COL11A1: variants seen among roughly 807,000 people sequenced by gnomAD.
COL11A1 encodes collagen type XI alpha 1 chain.
Under a neutral mutation model 265.2 loss-of-function variants are expected in COL11A1, and 74 were observed. The ratio of observed to expected loss-of-function variants is 0.28; its 90% CI spans 0.23 to 0.34. The LOEUF (loss-of-function observed/expected upper bound fraction) is 0.34. Among genes scored for constraint, COL11A1 ranks in the 10% least tolerant of loss-of-function variants. The pLI is 1.00. For synonymous variants in COL11A1, 816 were observed against 727.6 expected, an observed-to-expected ratio of 1.12 and a Z score of -1.96; for missense variants, 2,165 against 2,263.6, an observed-to-expected ratio of 0.96 and a Z score of 0.88.
At chr1:102,961,357 G>A (rs1400368516) in intron 41 of COL11A1, among the ~76,000 whole-genome samples, 3 of 152,040 alleles carry the variant, frequency 2.0e-5, no homozygotes, top group East Asian at 3.9e-4. Context: ...ATAAGATTGT[G>A]CTTATGGGTT....
intron 4 of COL11A1, among the ~76,000 whole-genome samples, chr1:103,034,678 A>C (rs2102013869): frequency 6.6e-6 from 1 of 152,058 alleles, no homozygotes; most frequent in South Asian, 2.1e-4. Context: ...GGGGAAGTCC[A>C]ATGTCTGTGC....
At chr1:102,954,005 G>A (rs560185892) in intron 41 of COL11A1, among the ~76,000 whole-genome samples, 1 of 152,246 alleles carries the variant, frequency 6.6e-6, no homozygotes, top group East Asian at 1.9e-4. Flanking sequence ...TTAATTTCAT[G>A]AATTACAATG....
intron 28 of COL11A1, among the ~76,000 whole-genome samples, chr1:102,995,465 T>C (rs978173622): frequency 1.3e-5 from 2 of 152,132 alleles, no homozygotes; most frequent in Admixed American, 6.6e-5. Context: ...TGTGCTGAAT[T>C]TGTTTAAACA....
chr1:103,046,138 A>G (rs964971108), intron 4 of COL11A1, among the ~76,000 whole-genome samples: 2 of 151,330 alleles, frequency 1.3e-5, no homozygotes, highest in Non-Finnish European at 2.9e-5. Flanking sequence ...ACACCCACTA[A>G]TGGGATGACT....
intron 64 of COL11A1, 119 bp from the exon 65 acceptor site, chr1:102,881,884 G>A (rs549060970): frequency 1.2e-5 from 9 of 759,374 alleles, no homozygotes; most frequent in African/African-American, 5.3e-5. Context: ...GCTTAAAATC[G>A]TTTTAAAATG....
intron 4 of COL11A1, among the ~76,000 whole-genome samples, chr1:103,047,415 G>A (rs879379403): frequency 6.6e-6 from 1 of 151,920 alleles, no homozygotes. Flanking sequence ...GTCTGTTATT[G>A]GTGTATAAGA....
intron 37 of COL11A1, among the ~76,000 whole-genome samples, chr1:102,968,292 T>C (rs981309884): frequency 2.6e-5 from 4 of 152,236 alleles, no homozygotes; most frequent in Non-Finnish European, 5.9e-5. Flanking sequence ...AACAGAAATG[T>C]GATTCCTATT....
intron 42 of COL11A1, among the ~76,000 whole-genome samples, chr1:102,940,726 A>C (rs1443283646): frequency 6.6e-6 from 1 of 152,194 alleles, no homozygotes; most frequent in Non-Finnish European, 1.5e-5. Flanking sequence ...TTACATTTGC[A>C]AAACTTTGCT....
chr1:103,107,290 C>T (rs1452766940), intron 1 of COL11A1, among the ~76,000 whole-genome samples: 1 of 150,540 alleles, frequency 6.6e-6, no homozygotes, highest in African/African-American at 2.4e-5. Flanking sequence ...CCCCTTCCCT[C>T]CCAATCCCTA....
rs11164641 is a variant in COL11A1, at chr1:102,934,935, G to A, written c.3492+125C>T. 735,034 of 854,756 alleles carry A rather than the reference G, an allele frequency of 0.86. 322,389 individuals carry two copies. The highest frequency in any genetic ancestry group is 1 in the East Asian group (37,457 of 37,520). The allele number at this position is 854,756 out of a possible 1,614,324, so 52.9% of individuals were successfully genotyped here. On this transcript the variant is annotated intron_variant, in intron 45 of 66. Coordinates refer to ENST00000370096, the MANE Select transcript of COL11A1 (RefSeq NM_001854.4). ...TAGCTATATTTGATAATTTAAATTT[G>A]ATTTAATGTCAAACATACAAACAAA...
At chr1:103,098,547 GA>G (rs1206789665) in intron 1 of COL11A1, among the ~76,000 whole-genome samples, 1 of 151,714 alleles carries the variant, frequency 6.6e-6, no homozygotes, top group East Asian at 1.9e-4. Flanking sequence ...TGACTTTATT[GA>G]AAATATCTTG....
chr1:103,039,971 T>A (rs1020782282), intron 4 of COL11A1, among the ~76,000 whole-genome samples: 2 of 152,020 alleles, frequency 1.3e-5, no homozygotes, highest in Non-Finnish European at 2.9e-5. Context: ...ATCATCATCA[T>A]AGACACCCCT....
chr1:102,955,773 A>G (rs571688743), intron 41 of COL11A1, among the ~76,000 whole-genome samples: 1 of 152,180 alleles, frequency 6.6e-6, no homozygotes, highest in East Asian at 1.9e-4. Flanking sequence ...GTTTACATAC[A>G]TAGAAAACAT....
rs1334999490 is a variant in COL11A1, at chr1:102,986,555, AAAAT to A, written c.2502+1074_2502+1077del. 2.0e-5 allele frequency among the ~76,000 whole-genome samples: 3 copies of A among 152,288 alleles called. No homozygotes were observed. In the East Asian group the frequency reaches 5.8e-4, roughly 29 times the overall value. On this transcript the variant is annotated intron_variant, in intron 30 of 66. Transcript: ENST00000370096. ...TGTGCATTAAAGTATAGTAAAAAAT[AAAAT>A]AAAGAAATTATGGAATGTTTGTTGT... is the stretch of plus-strand genomic sequence containing the variant.
chr1:103,060,229 C>T (rs919095552), intron 4 of COL11A1, among the ~76,000 whole-genome samples: 2 of 151,934 alleles, frequency 1.3e-5, no homozygotes, highest in African/African-American at 4.8e-5. Context: ...AAAATACCAC[C>T]AAACTAGAAT....
chr1:103,002,909 A>C (rs2101833831), intron 21 of COL11A1, 118 bp from the exon 22 acceptor site: 1 of 1,010,318 alleles, frequency 9.9e-7, no homozygotes, highest in Non-Finnish European at 1.5e-6. Context: ...AAATCATTTT[A>C]GGATTTAATG....
At chr1:102,996,082 G>T in intron 26 of COL11A1, 40 bp from the exon 27 acceptor site, 1 of 1,587,574 alleles carries the variant, frequency 6.3e-7, no homozygotes, top group South Asian at 1.1e-5. Flanking sequence ...GTAATAAATT[G>T]AAAGTGCTAC....
chr1:103,030,304 T>A (rs1667874461), intron 5 of COL11A1, among the ~76,000 whole-genome samples: 1 of 152,036 alleles, frequency 6.6e-6, no homozygotes, highest in South Asian at 2.1e-4. Context: ...TTATTAAACC[T>A]TAAAAAGTAA....
intron 4 of COL11A1, among the ~76,000 whole-genome samples, chr1:103,037,252 T>TTGTGTGTGTGTGTG (rs10582908): frequency 4.8e-5 from 7 of 145,138 alleles, no homozygotes; most frequent in African/African-American, 1.5e-4. Flanking sequence ...TACATTTAGA[T>TTGTGTGTGTGTGTG]TGTGTGTGTG....
Sources: allele counts gnomAD v4.1 joint callset (sites outside exome capture counted in the v4.1 genomes callset), GRCh38; gene constraint gnomAD v4.1.1; transcripts MANE v1.5; gene names NCBI Gene and HGNC (gene_info 2026-07-23, HGNC 2026-07-21).